Variants in RIMBP2 observed in about 807,000 individuals in gnomAD.
The protein encoded by RIMBP2 is RIMS binding protein 2, also known as RIMS-binding protein 2.
RIMBP2 carries 48 observed loss-of-function variants against 118.6 expected under a neutral mutation model. That is an observed-to-expected ratio of 0.40 (90% CI 0.32 to 0.51). The LOEUF (loss-of-function observed/expected upper bound fraction) is 0.51. RIMBP2 is among the 20% of genes least tolerant of loss of function. RIMBP2 has a pLI of 0.41. For missense variants in RIMBP2, 1,551 were observed against 1,768.3 expected (o/e 0.88, Z 2.20); for synonymous variants, 762 against 742.9 (o/e 1.03, Z -0.42).
At chr12:130,398,221 C>CTAAT (rs1463866331) in intron 22 of RIMBP2, 1 of 152,208 alleles carries the variant, frequency 6.6e-6, no homozygotes, top group Non-Finnish European at 1.5e-5. Context: ...GACTTTTACT[C>CTAAT]TAATACGCTG....
At chr12:130,714,783 C>A (rs1950211443) in intron 1 of RIMBP2, among the ~76,000 whole-genome samples, 1 of 152,234 alleles carries the variant, frequency 6.6e-6, no homozygotes, top group Non-Finnish European at 1.5e-5. Flanking sequence ...CCCTGCCCAT[C>A]CCACTGGGAG....
chr12:130,678,119 A>G (rs952993222), intron 1 of RIMBP2, among the ~76,000 whole-genome samples: 1 of 152,118 alleles, frequency 6.6e-6, no homozygotes, highest in South Asian at 2.1e-4. Context: ...CCCTCCCACA[A>G]ACAAACCTGG....
chr12:130,521,920 G>A (rs534841831), intron 2 of RIMBP2, among the ~76,000 whole-genome samples: 5 of 152,268 alleles, frequency 3.3e-5, no homozygotes, highest in African/African-American at 7.2e-5. Flanking sequence ...GAGGGTTTAG[G>A]GTTTCCCAGC....
At chr12:130,665,661 A>G (rs2063887068) in intron 1 of RIMBP2, among the ~76,000 whole-genome samples, 1 of 148,604 alleles carries the variant, frequency 6.7e-6, no homozygotes, top group Non-Finnish European at 1.5e-5. Context: ...AAGGGAAGAA[A>G]GACAAGGAAA....
chr12:130,409,087 G>A (rs1193895984), intron 19 of RIMBP2, among the ~76,000 whole-genome samples: 1 of 152,132 alleles, frequency 6.6e-6, no homozygotes, highest in Non-Finnish European at 1.5e-5. Flanking sequence ...TTGAAAGGTG[G>A]CATAACAACA....
At chr12:130,479,596 C>T (rs916593688) in intron 4 of RIMBP2, among the ~76,000 whole-genome samples, 2 of 127,316 alleles carry the variant, frequency 1.6e-5, no homozygotes, top group South Asian at 4.7e-4. Flanking sequence ...CGCACCCTCC[C>T]GGGAGCTTCC....
chr12:130,441,426 A>C (rs1020972692), intron 11 of RIMBP2, among the ~76,000 whole-genome samples: 2 of 142,432 alleles, frequency 1.4e-5, no homozygotes, highest in Admixed American at 7.0e-5. Flanking sequence ...TAATAATAAT[A>C]ATAATAATAA....
rs1225006186 is a variant in RIMBP2, at chr12:130,446,170, C to T, written c.582-901G>A. 6.6e-6 allele frequency among the ~76,000 whole-genome samples: 1 copy of T among 151,842 alleles called. No individual in the cohort carries two copies. The highest frequency in any genetic ancestry group is 1.5e-5 in the Non-Finnish European group (1 of 67,974). On this transcript the variant is annotated intron_variant, in intron 9 of 22. Coordinates refer to ENST00000690449, the MANE Select transcript of RIMBP2 (RefSeq NM_001393629.1). The surrounding 1 kb of genome is among the most constrained non-coding windows in gnomAD (Gnocchi z 4.1). ...AATTGGGGATTCTCTAAATAAAAGGCAAATTAACTTAAAATAACAGCGAAG... is the reference window on the plus strand; with the variant it reads ...AATTGGGGATTCTCTAAATAAAAGGTAAATTAACTTAAAATAACAGCGAAG...
At chr12:130,639,022 C>A (rs190718168) in intron 1 of RIMBP2, among the ~76,000 whole-genome samples, 53 of 152,274 alleles carry the variant, frequency 3.5e-4, no homozygotes, top group Non-Finnish European at 6.2e-4. Context: ...ACTGTGGGGT[C>A]AGGAAGAGGG....
chr12:130,680,540 C>T (rs745596349), intron 1 of RIMBP2, among the ~76,000 whole-genome samples: 2 of 152,172 alleles, frequency 1.3e-5, no homozygotes, highest in Admixed American at 1.3e-4. Flanking sequence ...CAAAGGCTCT[C>T]GCTCAAATAA....
chr12:130,661,433 G>C (rs538842820), intron 1 of RIMBP2, among the ~76,000 whole-genome samples: 2 of 152,356 alleles, frequency 1.3e-5, no homozygotes, highest in Admixed American at 6.5e-5. Flanking sequence ...CCAGAAGCAT[G>C]TGAGCCATTG....
chr12:130,479,117 T>C, intron 4 of RIMBP2, 101 bp from the exon 5 acceptor site: 1 of 877,182 alleles, frequency 1.1e-6, no homozygotes, highest in Non-Finnish European at 1.7e-6. Context: ...GCCCGGTCAC[T>C]CCAGAGCAGC....
At chr12:130,485,122 G>C (rs978451678) in intron 4 of RIMBP2, among the ~76,000 whole-genome samples, 7 of 149,826 alleles carry the variant, frequency 4.7e-5, no homozygotes, top group African/African-American at 1.7e-4. Context: ...GGGTGGGAGG[G>C]AGGGACTCAT....
chr12:130,650,567 G>A (rs990260540), intron 1 of RIMBP2, among the ~76,000 whole-genome samples: 5 of 152,234 alleles, frequency 3.3e-5, no homozygotes, highest in Admixed American at 2.0e-4. Context: ...ACATGTGAGC[G>A]GATGGGTCCC....
At chr12:130,524,102 C>T (rs762550337) in intron 2 of RIMBP2, among the ~76,000 whole-genome samples, 10 of 152,156 alleles carry the variant, frequency 6.6e-5, no homozygotes, top group Non-Finnish European at 7.3e-5. Context: ...CGGGGTGGTG[C>T]TCCCAGCCCT....
intron 2 of RIMBP2, among the ~76,000 whole-genome samples, chr12:130,618,162 T>C (rs1296959941): frequency 6.6e-6 from 1 of 152,048 alleles, no homozygotes; most frequent in Non-Finnish European, 1.5e-5. Flanking sequence ...TGCCCGTAAC[T>C]ATGCGTCAAT....
chr12:130,492,225 C>T (rs1387390427), intron 4 of RIMBP2, among the ~76,000 whole-genome samples: 1 of 152,146 alleles, frequency 6.6e-6, no homozygotes. Flanking sequence ...CTCACAGAAC[C>T]CACGTCTTCA....
rs902106939 is a variant in RIMBP2 at position 130,621,591 on chromosome 12, T to C, written c.-217+6731A>G. On this transcript the variant is annotated intron_variant, in intron 2 of 22. Coordinates refer to ENST00000690449, the MANE Select transcript of RIMBP2 (RefSeq NM_001393629.1). The surrounding 1 kb of genome is among the most constrained non-coding windows in gnomAD (Gnocchi z 6.6). ...ACACATAATATAATACCACGGGGCA[T>C]AGCAAGCCCCAAGGCCTCTCTGAGC... is the stretch of plus-strand genomic sequence containing the variant. Among the ~76,000 whole-genome samples, 1 of 152,130 alleles carries C rather than the reference T, an allele frequency of 6.6e-6. No homozygotes were observed. The highest frequency in any genetic ancestry group is 1.5e-5 in the Non-Finnish European group (1 of 68,036).
rs537102726 is a variant in RIMBP2, at chr12:130,604,681, T to C, written c.-217+23641A>G. 9.6e-5 allele frequency among the ~76,000 whole-genome samples: 5 copies of C among 51,948 alleles called. 1 individual carries two copies. The highest frequency in any genetic ancestry group is 1.9e-4 in the Non-Finnish European group (5 of 25,868). 34.1% of individuals were successfully genotyped at this position (51,948 alleles called of 152,430 possible). ...TCACTGCAAGCTTTGCCTCCCGGGT[T>C]CACGCCATTCTCCTGCCTCAGCCTC... On this transcript the variant is annotated intron_variant, in intron 2 of 22. Transcript: ENST00000690449.
Sources: allele counts gnomAD v4.1 joint callset (sites outside exome capture counted in the v4.1 genomes callset), GRCh38; gene constraint gnomAD v4.1.1; non-coding constraint Gnocchi (gnomAD v3.1); transcripts MANE v1.5; gene names NCBI Gene and HGNC (gene_info 2026-07-23, HGNC 2026-07-21).